SEMA6D: variants seen among roughly 807,000 people sequenced by gnomAD.
SEMA6D encodes semaphorin 6D.
SEMA6D carries 35 observed loss-of-function variants against 106.6 expected under a neutral mutation model. The observed-to-expected ratio is 0.33, with a 90% CI of 0.25 to 0.44. The LOEUF (loss-of-function observed/expected upper bound fraction) is 0.44, where lower values mean the gene tolerates loss of function less well. Among genes scored for constraint, SEMA6D ranks in the 20% least tolerant of loss-of-function variants. The probability of loss-of-function intolerance (pLI) is 1.00; values close to 1 mark genes in which losing one functional copy is unlikely to be tolerated. For missense variants in SEMA6D, 1,185 were observed against 1,345.9 expected, an observed-to-expected ratio of 0.88 and a Z score of 1.87; for synonymous variants, 499 against 487.7, an observed-to-expected ratio of 1.02 and a Z score of -0.31.
At chr15:47,703,771 C>G (rs1461767559) in intron 4 of SEMA6D, among the ~76,000 whole-genome samples, 2 of 152,158 alleles carry the variant, frequency 1.3e-5, no homozygotes, top group Non-Finnish European at 2.9e-5. Flanking sequence ...CTAGTTCTCT[C>G]TCTTTTTCAG....
At chr15:47,322,677 A>T (rs2036969619) in intron 1 of SEMA6D, among the ~76,000 whole-genome samples, 1 of 152,048 alleles carries the variant, frequency 6.6e-6, no homozygotes, top group Non-Finnish European at 1.5e-5. Context: ...TCTATTTCTC[A>T]TTGATAAATA....
exon 2 of SEMA6D, chr15:47,412,394 A>T (rs1276000437): frequency 6.6e-6 from 1 of 152,638 alleles, no homozygotes; most frequent in African/African-American, 2.4e-5. Context: ...TTTTGGCAGG[A>T]TCTCCAACCT....
At chr15:47,253,121 G>T (rs1363458349) in intron 1 of SEMA6D, among the ~76,000 whole-genome samples, 1 of 151,924 alleles carries the variant, frequency 6.6e-6, no homozygotes, top group African/African-American at 2.4e-5. Flanking sequence ...TCACTGTTTT[G>T]ATTTGTATTT....
chr15:47,600,002 T>C (rs2076615317), intron 3 of SEMA6D, among the ~76,000 whole-genome samples: 1 of 152,074 alleles, frequency 6.6e-6, no homozygotes, highest in Admixed American at 6.6e-5. Flanking sequence ...ATTTGTACCA[T>C]TTGGGGAATT....
intron 4 of SEMA6D, among the ~76,000 whole-genome samples, chr15:47,698,525 T>C (rs953152062): frequency 6.6e-6 from 1 of 152,216 alleles, no homozygotes; most frequent in East Asian, 1.9e-4. Flanking sequence ...TGTGTTGATA[T>C]AGGTGGGACC....
At chr15:47,499,216 G>C (rs532993457) in intron 3 of SEMA6D, among the ~76,000 whole-genome samples, 13 of 152,252 alleles carry the variant, frequency 8.5e-5, no homozygotes, top group African/African-American at 3.1e-4. Flanking sequence ...TGGAGAACAA[G>C]ACTGAGGTCT....
At chr15:47,565,387 T>C (rs2046200520) in intron 3 of SEMA6D, among the ~76,000 whole-genome samples, 2 of 152,086 alleles carry the variant, frequency 1.3e-5, no homozygotes, top group African/African-American at 4.8e-5. Context: ...GGCCAGCTGG[T>C]TCCAGCACTC....
chr15:47,748,325 CTTCT>C (rs1378458305), intron 1 of SEMA6D, among the ~76,000 whole-genome samples: 1 of 152,196 alleles, frequency 6.6e-6, no homozygotes, highest in Non-Finnish European at 1.5e-5. Flanking sequence ...AGTGTTCTAC[CTTCT>C]TTCTTTATTT....
chr15:47,409,462 C>T (rs2040708981), intron 1 of SEMA6D, among the ~76,000 whole-genome samples: 1 of 152,166 alleles, frequency 6.6e-6, no homozygotes, highest in Admixed American at 6.5e-5. Flanking sequence ...ATAATGATAT[C>T]TCCCACATAC....
intron 2 of SEMA6D, among the ~76,000 whole-genome samples, chr15:47,423,945 G>A (rs1267150931): frequency 1.3e-5 from 2 of 151,974 alleles, no homozygotes; most frequent in Admixed American, 6.6e-5. Context: ...GGCATAATTT[G>A]TTTGTCCATA....
intron 4 of SEMA6D, among the ~76,000 whole-genome samples, chr15:47,641,424 A>ACT (rs144070514): frequency 2.0e-5 from 3 of 149,944 alleles, no homozygotes; most frequent in Admixed American, 6.6e-5. Flanking sequence ...TCACACTCTC[A>ACT]CTCTCTCTCT....
chr15:47,768,134 A>G (rs8037600), intron 17 of SEMA6D, among the ~76,000 whole-genome samples: 32,426 of 152,190 alleles, frequency 0.21, 3,992 homozygotes, highest in South Asian at 0.29. Flanking sequence ...AGACTTAACC[A>G]GATATTTTCC....
intron 3 of SEMA6D, among the ~76,000 whole-genome samples, chr15:47,542,699 C>T (rs184292639): frequency 1.3e-5 from 2 of 152,062 alleles, no homozygotes; most frequent in African/African-American, 2.4e-5. Flanking sequence ...AACTTGTTTC[C>T]GCTAGTTACA....
chr15:47,706,583 A>G (rs2078916322), intron 4 of SEMA6D, among the ~76,000 whole-genome samples: 1 of 152,220 alleles, frequency 6.6e-6, no homozygotes, highest in South Asian at 2.1e-4. Context: ...AAGTACCTAC[A>G]GTTCGCAAAT....
chr15:47,491,294 T>C (rs1331029836), intron 3 of SEMA6D, among the ~76,000 whole-genome samples: 1 of 152,178 alleles, frequency 6.6e-6, no homozygotes, highest in African/African-American at 2.4e-5. Flanking sequence ...ACTTGTGATA[T>C]ATTATCACAG....
At chr15:47,405,256 G>A (rs151099449) in intron 1 of SEMA6D, among the ~76,000 whole-genome samples, 99 of 152,234 alleles carry the variant, frequency 6.5e-4, no homozygotes, top group Admixed American at 1.4e-3. Context: ...GGATTGGAGG[G>A]GGTGGCATGA....
intron 3 of SEMA6D, among the ~76,000 whole-genome samples, chr15:47,575,282 T>G (rs1188436422): frequency 6.6e-6 from 1 of 152,160 alleles, no homozygotes; most frequent in Admixed American, 6.5e-5. Context: ...GAGGAAAATA[T>G]TCTAAAGTGG....
chr15:47,638,670 T>C (rs1457218324), intron 4 of SEMA6D, among the ~76,000 whole-genome samples: 3 of 152,246 alleles, frequency 2.0e-5, no homozygotes. Flanking sequence ...TATTAAAATC[T>C]GCTAAATACA....
intron 1 of SEMA6D, among the ~76,000 whole-genome samples, chr15:47,286,349 A>AG (rs1391381124): frequency 2.6e-5 from 4 of 152,202 alleles, no homozygotes; most frequent in African/African-American, 4.8e-5. Flanking sequence ...ACTCTTAAAA[A>AG]TTATGTTTAC....
Sources: allele counts gnomAD v4.1 joint callset (sites outside exome capture counted in the v4.1 genomes callset), GRCh38; gene constraint gnomAD v4.1.1; transcripts MANE v1.5; gene names NCBI Gene and HGNC (gene_info 2026-07-23, HGNC 2026-07-21).